VIPR2: variants seen among roughly 807,000 people sequenced by gnomAD.
The protein encoded by VIPR2 is vasoactive intestinal polypeptide receptor 2.
In VIPR2, 48 loss-of-function variants were observed where a neutral mutation model predicts 58.0. The observed-to-expected ratio is 0.83, with a 90% confidence interval of 0.66 to 1.05. The LOEUF is 1.05. VIPR2 is among the 50% of genes least tolerant of loss of function. VIPR2 has a pLI of 0.00. For synonymous variants in VIPR2, 243 were observed against 235.2 expected (o/e 1.03, Z -0.30); for missense variants, 534 against 558.0 (o/e 0.96, Z 0.43).
chr7:159,068,690 G>A (rs940672048), intron 4 of VIPR2, among the ~76,000 whole-genome samples: 15 of 152,304 alleles, frequency 9.8e-5, no homozygotes, highest in South Asian at 2.1e-4. Flanking sequence ...TCTGGACGGC[G>A]GGTGCAACAG....
Position 159,036,996 on chromosome 7 carries a change from G to T in VIPR2, c.598-94C>A, listed in dbSNP as rs1286617246. The T allele has an allele frequency of 5.6e-6, 8 of 1,439,232 alleles. No individual in the cohort carries two copies. In the African/African-American group the frequency reaches 5.6e-5, roughly 10 times the overall value. 89.2% of individuals were successfully genotyped at this position (1,439,232 alleles called of 1,614,324 possible). On this transcript the variant is annotated intron_variant, in intron 6 of 12. Transcript: ENST00000262178. ...GCCGCTCCAGGACACAGGGCGCTTG[G>T]TATCTGTGCAAGGAAGGAGACACCG...
In VIPR2 at chr7:159,040,545, C is replaced by T. The variant is rs998207587; in HGVS notation, c.597+2490G>A. 2.6e-5 allele frequency among the ~76,000 whole-genome samples: 4 copies of T among 152,206 alleles called. No homozygotes were observed. In the East Asian group the frequency reaches 7.7e-4, roughly 29 times the overall value. On this transcript the variant is annotated intron_variant, in intron 6 of 12. Coordinates refer to ENST00000262178, the MANE Select transcript of VIPR2 (RefSeq NM_003382.5). ...GCCCCAGAGGAAACTGTGTCTCTGT[C>T]TAGGCCGCATGGAAGGGGCCAAGAA...
chr7:159,137,377 T>TA lies in VIPR2; in HGVS notation c.151+5068dup, dbSNP rs796731721. ...AAAAGTAAATATAAAGACATTACTT[T>TA]AAAAAAAAATAGAGACAGCTTCTTG... On this transcript the variant is annotated intron_variant, in intron 2 of 12. Transcript: ENST00000262178. Among the ~76,000 whole-genome samples, 14 of 151,674 alleles carry TA rather than the reference T, an allele frequency of 9.2e-5. No individual in the cohort carries two copies. The South Asian group carries it at 1.3e-3, about 14-fold the overall frequency.
chr7:159,039,564 T>C (rs1435624267), intron 6 of VIPR2, among the ~76,000 whole-genome samples: 1 of 136,050 alleles, frequency 7.4e-6, no homozygotes, highest in Non-Finnish European at 1.6e-5. Context: ...AGAATTCACA[T>C]GTTGAAGCCC....
At position 159,096,809 on chromosome 7, in the gene VIPR2, C is replaced by T. The variant is rs770443084; in HGVS notation, c.357+6948G>A. ...AGTCTCGTGGCCCCCGCAGCAGCCA[C>T]AGGCCCAGCTCTTGTCCCGGCCCAC... is the stretch of plus-strand genomic sequence containing the variant. On this transcript the variant is annotated intron_variant, in intron 4 of 12. Coordinates refer to ENST00000262178, the MANE Select transcript of VIPR2 (RefSeq NM_003382.5). The surrounding 1 kb of genome is among the most constrained non-coding windows in gnomAD (Gnocchi z 5.5). The T allele has an allele frequency of 9.7e-6, 14 of 1,437,052 alleles. No homozygotes were observed. In the South Asian group the frequency reaches 1.2e-4, roughly 12 times the overall value. 89.0% of individuals were successfully genotyped at this position (1,437,052 alleles called of 1,614,324 possible).
intron 10 of VIPR2, 149 bp downstream of exon 10, chr7:159,034,064 C>T: frequency 1.4e-6 from 1 of 695,212 alleles, no homozygotes. Flanking sequence ...GAGCCTTGGG[C>T]AGGAGCAGAG....
intron 5 of VIPR2, among the ~76,000 whole-genome samples, chr7:159,049,610 G>C (rs1854864835): frequency 6.6e-6 from 1 of 152,234 alleles, no homozygotes; most frequent in African/African-American, 2.4e-5. Context: ...AAAGGAAATA[G>C]AGGCTGCATC....
rs1385702508 is a variant in VIPR2 at position 159,043,124 on chromosome 7, T to C, written c.508A>G (p.Ile170Val). 6.2e-7 allele frequency: 1 copy of C among 1,612,878 alleles called. No individual in the cohort carries two copies. The change falls in exon 6 of 13, where the codon ATC becomes GTC. Residue 170 changes from isoleucine to valine, a missense_variant. Physicochemically the swap from Ile to Val is conservative, Grantham distance 29. This residue lies in a region of VIPR2 where 224 missense variants were observed against 255.7 expected (regional missense o/e 0.88). Transcript: ENST00000262178. ...ACCAGCACTGAGATGGCTCTCAGGA[T>C]GAAGGACAGGAACAGGTTCAGGTGG... Reference protein sequence around the residue: ...YIHLNLFLSFILRAISVLVKD... With the variant: ...YIHLNLFLSFVLRAISVLVKD...
At position 159,097,330 on chromosome 7, in the gene VIPR2, A is replaced by G. The variant is rs1857921596; in HGVS notation, c.357+6427T>C. On this transcript the variant is annotated intron_variant, in intron 4 of 12. Transcript: ENST00000262178. This position sits in a 1 kb window ranked among gnomAD's most constrained non-coding sequence, Gnocchi z 5.3. ...TGAAGCATGGGGAGGCCGAAATGCC[A>G]AACAGTTCTCTTGGCTAAATTTAGC... is the stretch of plus-strand genomic sequence containing the variant. The G allele has an allele frequency of 2.5e-6, 3 of 1,203,716 alleles. No homozygotes were observed. The highest frequency in any genetic ancestry group is 3.2e-6 in the Non-Finnish European group (3 of 931,430). 74.6% of individuals were successfully genotyped at this position (1,203,716 alleles called of 1,614,324 possible).
intron 4 of VIPR2, among the ~76,000 whole-genome samples, chr7:159,092,906 A>G (rs1857585741): frequency 6.6e-6 from 1 of 152,128 alleles, no homozygotes; most frequent in African/African-American, 2.4e-5. Context: ...GCTGCCAGCA[A>G]GAGCAGCCTC....
At chr7:159,034,462 G>T (rs370703394) in intron 9 of VIPR2, 119 bp downstream of exon 9, 1 of 1,314,868 alleles carries the variant, frequency 7.6e-7, no homozygotes, top group East Asian at 2.4e-5. Context: ...GTCCTTTTCC[G>T]GGAAGGCTGA....
chr7:159,084,021 C>T (rs528060247), intron 4 of VIPR2, among the ~76,000 whole-genome samples: 1 of 152,380 alleles, frequency 6.6e-6, no homozygotes, highest in East Asian at 1.9e-4. Context: ...CCCACTTCAG[C>T]CCCCATCACA....
At chr7:159,046,881 G>A (rs1166064870) in intron 5 of VIPR2, among the ~76,000 whole-genome samples, 1 of 152,158 alleles carries the variant, frequency 6.6e-6, no homozygotes, top group African/African-American at 2.4e-5. Context: ...TTTACAAAAA[G>A]TGAAAATTTT....
At chr7:159,074,707 G>A (rs1241011702) in intron 4 of VIPR2, among the ~76,000 whole-genome samples, 1 of 152,116 alleles carries the variant, frequency 6.6e-6, no homozygotes, top group African/African-American at 2.4e-5. Flanking sequence ...TGTTTTTCTG[G>A]CTGGGAGCAG....
Position 159,128,203 on chromosome 7 carries a change from G to A in VIPR2, c.151+14243C>T, listed in dbSNP as rs1406065213. Among the ~76,000 whole-genome samples, 1 of 152,042 alleles carries A rather than the reference G, an allele frequency of 6.6e-6. No individual in the cohort carries two copies. Among genetic ancestry groups the A allele is most frequent in the Admixed American group, 6.5e-5 (1 of 15,268 alleles). ...GTCAGGGCCAGCAGCTGTGCCCAGG[G>A]TCCACAGAACGGCCGGCCATGGTGT... On this transcript the variant is annotated intron_variant, in intron 2 of 12. Transcript: ENST00000262178. This position sits in a 1 kb window ranked among gnomAD's most constrained non-coding sequence, Gnocchi z 4.1.
intron 4 of VIPR2, among the ~76,000 whole-genome samples, chr7:159,071,557 C>T (rs2129494565): frequency 6.6e-6 from 1 of 152,358 alleles, no homozygotes; most frequent in East Asian, 1.9e-4. Context: ...AAGGCCCAGG[C>T]CCCCTCCTTG....
chr7:159,036,318 C>G (rs187234714), intron 7 of VIPR2, among the ~76,000 whole-genome samples: 1 of 152,104 alleles, frequency 6.6e-6, no homozygotes, highest in African/African-American at 2.4e-5. Flanking sequence ...TTTTTGCGAC[C>G]ACCCACGGAG....
Position 159,137,339 on chromosome 7 carries a change from T to C in VIPR2, c.151+5107A>G, listed in dbSNP as rs150303741. On this transcript the variant is annotated intron_variant, in intron 2 of 12. Transcript: ENST00000262178. The stretch of plus-strand genomic sequence containing the variant: ...CAGGGTAAAAATTAATTCAGTGAGA[T>C]TTGTTTCCTATAAAAAGTAAATATA... Among the ~76,000 whole-genome samples the C allele has an allele frequency of 5.7e-3, 870 of 152,238 alleles. 2 individuals are homozygous for C. Among genetic ancestry groups the C allele is most frequent in the Non-Finnish European group, 7.1e-3 (482 of 68,018 alleles).
intron 4 of VIPR2, 108 bp downstream of exon 4, chr7:159,103,649 G>A (rs1370624133): frequency 1.3e-5 from 11 of 853,298 alleles, no homozygotes; most frequent in Admixed American, 2.0e-5. Flanking sequence ...GGTACTCAGA[G>A]GATTATTTAG....
Sources: allele counts gnomAD v4.1 joint callset (sites outside exome capture counted in the v4.1 genomes callset), GRCh38; gene constraint gnomAD v4.1.1; regional missense constraint gnomAD v4.1.1; non-coding constraint Gnocchi (gnomAD v3.1); transcripts MANE v1.5; gene names NCBI Gene and HGNC (gene_info 2026-07-23, HGNC 2026-07-21).